Variants in TENM1 observed in about 807,000 individuals in gnomAD.
The protein encoded by TENM1 is teneurin transmembrane protein 1.
A neutral mutation model predicts 174.8 loss-of-function variants in TENM1; 35 were observed. The observed-to-expected ratio is 0.20, with a 90% CI of 0.15 to 0.27. TENM1 has a LOEUF of 0.27. TENM1 is among the 10% of genes least tolerant of loss of function. The probability of loss-of-function intolerance (pLI) is 1.00; values close to 1 mark genes in which losing one functional copy is unlikely to be tolerated. For missense variants in TENM1, 1,633 were observed against 2,130.1 expected (o/e 0.77, Z 4.59); for synonymous variants, 781 against 798.7 (o/e 0.98, Z 0.37).
At chrX:125,064,054 G>A in the TENM1 span, among the ~76,000 whole-genome samples, 369 of 108,683 alleles carry the variant, frequency 3.4e-3, 2 homozygotes, top group African/African-American at 0.01. Flanking sequence ...GCAAACTATC[G>A]CAAGGACAAA....
intron 17 of TENM1, among the ~76,000 whole-genome samples, chrX:124,522,532 A>G (rs1481168374): frequency 9.4e-6 from 1 of 106,636 alleles, no homozygotes; most frequent in Non-Finnish European, 1.9e-5. Context: ...TCCTGACTAT[A>G]AAGCTTGAAC....
At chrX:125,051,989 A>C in the TENM1 span, among the ~76,000 whole-genome samples, 1 of 110,737 alleles carries the variant, frequency 9.0e-6, no homozygotes, top group African/African-American at 3.3e-5. Context: ...AACTCAAACA[A>C]ATTTACAAGA....
At chrX:125,143,948 T>C in the TENM1 span, among the ~76,000 whole-genome samples, 2 of 112,175 alleles carry the variant, frequency 1.8e-5, no homozygotes, top group South Asian at 7.3e-4. Flanking sequence ...AATTCTTTCA[T>C]TAGGAAAACA....
chrX:125,160,190 G>C, the TENM1 span, among the ~76,000 whole-genome samples: 4 of 95,737 alleles, frequency 4.2e-5, no homozygotes, highest in Non-Finnish European at 6.1e-5. Context: ...GACAGGGTGA[G>C]ACTCCACCAT....
intron 3 of TENM1, among the ~76,000 whole-genome samples, chrX:124,828,753 T>C (rs1468411331): frequency 2.7e-5 from 3 of 111,679 alleles, no homozygotes; most frequent in African/African-American, 9.8e-5. Flanking sequence ...ATCCATCCTG[T>C]ATATGCCTGT....
rs772784968 is a variant in TENM1 at position 124,540,210 on chromosome X, G to A, written c.2651+6664C>T. Among the ~76,000 whole-genome samples, 3 of 112,273 alleles carry A rather than the reference G, an allele frequency of 2.7e-5. No individual in the cohort carries two copies. The South Asian group carries it at 1.1e-3, about 41-fold the overall frequency. Reference sequence around the variant, plus strand: ...TCTTTTGTGTATCTCCATCTGCACAGTTCCTGGCATAAAGTGAGTACTCAA... The same window carrying A: ...TCTTTTGTGTATCTCCATCTGCACAATTCCTGGCATAAAGTGAGTACTCAA... On this transcript the variant is annotated intron_variant, in intron 15 of 31. Coordinates refer to ENST00000422452, the Ensembl canonical transcript of TENM1.
chrX:125,196,475 T>A, the TENM1 span, among the ~76,000 whole-genome samples: 1 of 111,196 alleles, frequency 9.0e-6, no homozygotes, highest in African/African-American at 3.3e-5. Flanking sequence ...AGATCACACA[T>A]CAGTATCACT....
chrX:124,819,546 T>A (rs1489974038), intron 3 of TENM1, among the ~76,000 whole-genome samples: 1 of 110,418 alleles, frequency 9.1e-6, no homozygotes, highest in East Asian at 2.8e-4. Flanking sequence ...ACTACAAAAT[T>A]GTGCAAATCA....
At chrX:124,819,800 C>CTT (rs201506826) in intron 3 of TENM1, among the ~76,000 whole-genome samples, 20 of 102,527 alleles carry the variant, frequency 2.0e-4, no homozygotes, top group African/African-American at 6.7e-4. Flanking sequence ...CTTTCCTTTC[C>CTT]TTTTTTTTTT....
At chrX:124,807,575 T>C (rs1411587137) in intron 3 of TENM1, among the ~76,000 whole-genome samples, 1 of 111,985 alleles carries the variant, frequency 8.9e-6, no homozygotes, top group Non-Finnish European at 1.9e-5. Context: ...AAGTCACTTA[T>C]ACTTTAGTAT....
intron 1 of TENM1, among the ~76,000 whole-genome samples, chrX:124,921,394 T>G (rs886395466): frequency 9.0e-6 from 1 of 111,336 alleles, no homozygotes; most frequent in Admixed American, 9.6e-5. Context: ...TTTCCATTTA[T>G]TTTTATGAAA....
intron 14 of TENM1, among the ~76,000 whole-genome samples, chrX:124,552,998 G>T (rs2048609687): frequency 9.1e-6 from 1 of 110,464 alleles, no homozygotes; most frequent in Admixed American, 9.7e-5. Context: ...ATTTTTGTGG[G>T]TACATAGTAG....
At chrX:124,488,428 T>C (rs974596622) in intron 20 of TENM1, among the ~76,000 whole-genome samples, 1 of 111,886 alleles carries the variant, frequency 8.9e-6, no homozygotes, top group Non-Finnish European at 1.9e-5. Flanking sequence ...TCAACTCTTT[T>C]TAAAAAGAAC....
chrX:125,202,685 C>T, the TENM1 span, among the ~76,000 whole-genome samples: 7 of 103,267 alleles, frequency 6.8e-5, no homozygotes, highest in African/African-American at 2.5e-4. Context: ...GCGACACAGA[C>T]GTGGAAACAT....
intron 22 of TENM1, among the ~76,000 whole-genome samples, chrX:124,459,200 T>C (rs776661372): frequency 8.9e-6 from 1 of 111,932 alleles, no homozygotes; most frequent in East Asian, 2.8e-4. Context: ...TGAAGAACCA[T>C]GTTGAATTCT....
At chrX:124,967,471 C>T (rs1057314434), upstream of TENM1, among the ~76,000 whole-genome samples, 7 of 111,433 alleles carry the variant, frequency 6.3e-5, no homozygotes, top group African/African-American at 2.3e-4. Context: ...TTTCATGGAA[C>T]GCCGATGATT....
chrX:124,675,763 C>CA (rs1433439180), intron 5 of TENM1, among the ~76,000 whole-genome samples: 1 of 109,236 alleles, frequency 9.2e-6, no homozygotes, highest in Non-Finnish European at 1.9e-5. Context: ...AACCAAAAAA[C>CA]AAAAAACAAC....
intron 11 of TENM1, among the ~76,000 whole-genome samples, chrX:124,569,108 G>A (rs1302277889): frequency 9.0e-6 from 1 of 111,054 alleles, no homozygotes; most frequent in East Asian, 2.8e-4. Flanking sequence ...TGAGGTGGGA[G>A]GATTGCTTGA....
At chrX:124,408,499 G>T (rs1020414804) in intron 25 of TENM1, among the ~76,000 whole-genome samples, 3 of 110,960 alleles carry the variant, frequency 2.7e-5, no homozygotes, top group Non-Finnish European at 5.7e-5. Context: ...GCAGGCAGTA[G>T]ACCGAAGGAA....
Sources: gnomAD v4.1 joint callset for allele counts (sites outside exome capture counted in the v4.1 genomes callset) on GRCh38, gnomAD v4.1.1 for gene constraint, MANE v1.5 for transcripts, NCBI Gene and HGNC (gene_info 2026-07-23, HGNC 2026-07-21) for gene names.